The following ARMH3 variants were observed in gnomAD, a reference collection of about 807,000 sequenced individuals.
The protein encoded by ARMH3 is armadillo like helical domain containing 3.
Under a neutral mutation model 99.1 loss-of-function variants are expected in ARMH3, and 60 were observed. The ratio of observed to expected loss-of-function variants is 0.61; its 90% CI spans 0.49 to 0.75. ARMH3 has a LOEUF of 0.75. Among genes scored for constraint, ARMH3 ranks in the 30% least tolerant of loss-of-function variants. The probability of loss-of-function intolerance (pLI) is 0.00; values close to 1 mark genes in which losing one functional copy is unlikely to be tolerated. For synonymous variants in ARMH3, 285 were observed against 292.8 expected (o/e 0.97, Z 0.27); for missense variants, 679 against 843.1 (o/e 0.81, Z 2.41).
Position 101,886,171 on chromosome 10 carries a change from G to C in ARMH3, c.1860+3241C>G, listed in dbSNP as rs577651119. The stretch of plus-strand genomic sequence containing the variant: ...TCACAATTAACCCCAGACAAATATA[G>C]CACCTGCATATATACCATAAAAATA... On this transcript the variant is annotated intron_variant, in intron 24 of 25. Coordinates refer to ENST00000370033, the MANE Select transcript of ARMH3 (RefSeq NM_024541.3). 2.6e-5 allele frequency among the ~76,000 whole-genome samples: 4 copies of C among 151,430 alleles called. No individual in the cohort carries two copies. The East Asian group carries it at 7.7e-4, about 29-fold the overall frequency.
At chr10:101,995,103 A>G (rs1846994169) in intron 16 of ARMH3, among the ~76,000 whole-genome samples, 194 bp downstream of exon 16, 1 of 152,224 alleles carries the variant, frequency 6.6e-6, no homozygotes, top group South Asian at 2.1e-4. Flanking sequence ...GGAAGCAGAC[A>G]AGACCCTGTC....
At chr10:101,877,656 T>TA (rs11377218) in intron 24 of ARMH3, among the ~76,000 whole-genome samples, 42,083 of 148,056 alleles carry the variant, frequency 0.28, 6,091 homozygotes, top group East Asian at 0.52. Flanking sequence ...ACTTTGTCTT[T>TA]AAAAAAAAAA....
intron 16 of ARMH3, 149 bp downstream of exon 16, chr10:101,995,148 G>A (rs1307679620): frequency 2.9e-6 from 2 of 687,090 alleles, no homozygotes; most frequent in East Asian, 2.5e-5. Flanking sequence ...CACTCTAGTG[G>A]GAGAAGACAG....
rs1235922604 is a variant in ARMH3 at position 101,995,359 on chromosome 10, T to C, written c.1151-4A>G. 6.2e-7 allele frequency: 1 copy of C among 1,611,896 alleles called. No individual in the cohort carries two copies. The highest frequency in any genetic ancestry group is 2.2e-5 in the East Asian group (1 of 44,848). On this transcript the variant is annotated splice_polypyrimidine_tract_variant and splice_region_variant and intron_variant, in intron 15 of 25. Coordinates refer to ENST00000370033, the MANE Select transcript of ARMH3 (RefSeq NM_024541.3). ...CCACTGTGAAGCCTGTGTTCATCTG[T>C]AAAGAAAAAAGAAACTCTTCTCTGT...
At chr10:101,982,039 A>AAAAAAC (rs1187242652) in intron 19 of ARMH3, among the ~76,000 whole-genome samples, 2 of 150,840 alleles carry the variant, frequency 1.3e-5, no homozygotes, top group Non-Finnish European at 3.0e-5. Context: ...AAAAAAAAAA[A>AAAAAAC]AAAAACAAAG....
chr10:102,024,122 T>C (rs1590199647), intron 6 of ARMH3, among the ~76,000 whole-genome samples: 1 of 152,056 alleles, frequency 6.6e-6, no homozygotes, highest in African/African-American at 2.4e-5. Context: ...CACCCCACCC[T>C]CCTTCCACTA....
intron 9 of ARMH3, 52 bp from the exon 10 acceptor site, chr10:102,012,928 TG>T: frequency 6.7e-7 from 1 of 1,485,642 alleles, no homozygotes; most frequent in Non-Finnish European, 9.2e-7. Context: ...CTTTGGGAGT[TG>T]GTGATGATGC....
chr10:101,985,053 AAG>A (rs1211895733), intron 19 of ARMH3, among the ~76,000 whole-genome samples: 1 of 145,804 alleles, frequency 6.9e-6, no homozygotes, highest in Non-Finnish European at 1.5e-5. Flanking sequence ...GGGCAACAGA[AAG>A]AGACTCCATC....
chr10:101,974,473 C>G (rs944393436), intron 20 of ARMH3, among the ~76,000 whole-genome samples: 1 of 152,154 alleles, frequency 6.6e-6, no homozygotes, highest in African/African-American at 2.4e-5. Context: ...GACCTAGTAG[C>G]AAGCAACTGC....
chr10:101,895,408 T>C (rs1335077297), intron 23 of ARMH3, among the ~76,000 whole-genome samples: 1 of 151,442 alleles, frequency 6.6e-6, no homozygotes, highest in Non-Finnish European at 1.5e-5. Context: ...GCCTCCCGAG[T>C]AGCTGGGACT....
intron 1 of ARMH3, among the ~76,000 whole-genome samples, chr10:102,054,010 TAC>T: frequency 6.6e-6 from 1 of 152,332 alleles, no homozygotes; most frequent in East Asian, 1.9e-4. Flanking sequence ...CCCCAAATGT[TAC>T]AGATTCCTAA....
At chr10:101,924,538 G>C (rs2135622777) in intron 23 of ARMH3, among the ~76,000 whole-genome samples, 1 of 150,000 alleles carries the variant, frequency 6.7e-6, no homozygotes, top group South Asian at 2.1e-4. Flanking sequence ...TTTTTTTTTA[G>C]TAGAGACGGG....
chr10:101,947,899 T>C (rs1049016144), intron 22 of ARMH3, among the ~76,000 whole-genome samples: 2 of 152,014 alleles, frequency 1.3e-5, no homozygotes, highest in Non-Finnish European at 2.9e-5. Context: ...GACTTTAGAC[T>C]GCAAAAGGTA....
intron 20 of ARMH3, among the ~76,000 whole-genome samples, chr10:101,960,687 G>C (rs1415447299): frequency 6.6e-6 from 1 of 151,836 alleles, no homozygotes. Context: ...TCAGGAGTTC[G>C]AGACCAGCCC....
chr10:102,041,100 T>TATATATA (rs1564878629), intron 1 of ARMH3, among the ~76,000 whole-genome samples: 1 of 146,156 alleles, frequency 6.8e-6, no homozygotes. Flanking sequence ...AATATATATA[T>TATATATA]ATATATATAT....
chr10:101,957,799 C>G (rs1032954290), intron 20 of ARMH3, 67 bp from the exon 21 acceptor site: 2 of 1,470,846 alleles, frequency 1.4e-6, no homozygotes, highest in Non-Finnish European at 1.8e-6. Flanking sequence ...TAAATAAAAA[C>G]AGACTAGCTC....
chr10:101,938,666 A>C (rs2135710156), intron 23 of ARMH3, among the ~76,000 whole-genome samples: 1 of 152,364 alleles, frequency 6.6e-6, no homozygotes, highest in Non-Finnish European at 1.5e-5. Flanking sequence ...GGTCATAAAC[A>C]GATATTTGGG....
At chr10:101,889,578 T>C (rs2067637814) in intron 23 of ARMH3, 88 bp from the exon 24 acceptor site, 2 of 1,191,012 alleles carry the variant, frequency 1.7e-6, no homozygotes, top group Admixed American at 3.4e-5. Context: ...CCCTCTGGTT[T>C]AGAGTACTAG....
chr10:101,919,634 C>T (rs772959276), intron 23 of ARMH3, among the ~76,000 whole-genome samples: 1 of 152,128 alleles, frequency 6.6e-6, no homozygotes, highest in Non-Finnish European at 1.5e-5. Context: ...TACTGACCTG[C>T]TTGATCTCCA....
Sources: gnomAD v4.1 joint callset for allele counts (sites outside exome capture counted in the v4.1 genomes callset) on GRCh38, gnomAD v4.1.1 for gene constraint, MANE v1.5 for transcripts, NCBI Gene and HGNC (gene_info 2026-07-23, HGNC 2026-07-21) for gene names.